AUTS2: variants seen among roughly 807,000 people sequenced by gnomAD.
AUTS2 encodes the protein activator of transcription and developmental regulator AUTS2.
AUTS2 carries 17 observed loss-of-function variants against 112.4 expected under a neutral mutation model. The observed-to-expected ratio is 0.15, with a 90% CI of 0.10 to 0.23. The LOEUF (loss-of-function observed/expected upper bound fraction) is 0.23. Ranked by LOEUF, AUTS2 falls within the 10% of genes least tolerant of loss-of-function variation. The pLI is 1.00. For synonymous variants in AUTS2, 751 were observed against 702.7 expected, an observed-to-expected ratio of 1.07 and a Z score of -1.09; for missense variants, 1,510 against 1,701.6, an observed-to-expected ratio of 0.89 and a Z score of 1.98.
intron 2 of AUTS2, among the ~76,000 whole-genome samples, chr7:69,953,120 T>C (rs993706775): frequency 6.6e-6 from 1 of 152,184 alleles, no homozygotes; most frequent in Admixed American, 6.5e-5. Context: ...ATCTCAATGT[T>C]GTTTGATAAG....
In AUTS2 at chr7:70,468,169, C is replaced by T. The variant is rs117003255; in HGVS notation, c.690+32388C>T. Among the ~76,000 whole-genome samples the T allele has an allele frequency of 8.1e-3, 1,235 of 152,304 alleles. 8 individuals carry two copies. The highest frequency in any genetic ancestry group is 0.014 in the Non-Finnish European group (945 of 68,038). Reference sequence around the variant, plus strand: ...CAAGTGAGGGCGATTTGAGGGAAAACATGTGACCCAGACTAGGAGCATTGT... The same window carrying T: ...CAAGTGAGGGCGATTTGAGGGAAAATATGTGACCCAGACTAGGAGCATTGT... On this transcript the variant is annotated intron_variant, in intron 5 of 18. Transcript: ENST00000342771.
intron 1 of AUTS2, among the ~76,000 whole-genome samples, chr7:69,775,589 G>A (rs771367595): frequency 3.9e-5 from 6 of 152,148 alleles, no homozygotes; most frequent in African/African-American, 1.4e-4. Flanking sequence ...ATAAAGTGTA[G>A]CAGTGTCTGA....
chr7:70,778,775 T>A (rs1308265159), intron 14 of AUTS2, among the ~76,000 whole-genome samples: 1 of 152,224 alleles, frequency 6.6e-6, no homozygotes, highest in African/African-American at 2.4e-5. Flanking sequence ...TTAGAAAATG[T>A]GTGTGCTTTG....
intron 2 of AUTS2, among the ~76,000 whole-genome samples, chr7:70,031,406 A>G (rs554314012): frequency 1.3e-5 from 2 of 152,310 alleles, no homozygotes; most frequent in South Asian, 4.1e-4. Flanking sequence ...TTTCAGCATA[A>G]TAGTGGCAGT....
intron 4 of AUTS2, among the ~76,000 whole-genome samples, chr7:70,350,337 G>A (rs1250799458): frequency 6.6e-6 from 1 of 152,098 alleles, no homozygotes; most frequent in African/African-American, 2.4e-5. Context: ...ATTACTCTGG[G>A]TGTATTATTT....
chr7:70,492,176 G>A (rs1798275848), intron 5 of AUTS2, among the ~76,000 whole-genome samples: 1 of 152,160 alleles, frequency 6.6e-6, no homozygotes, highest in African/African-American at 2.4e-5. Context: ...TTGCTCAGGG[G>A]TGCAGGTGTT....
intron 5 of AUTS2, among the ~76,000 whole-genome samples, chr7:70,579,287 A>T (rs1802328744): frequency 6.8e-6 from 1 of 146,288 alleles, no homozygotes; most frequent in Non-Finnish European, 1.5e-5. Context: ...CATTTTAGAA[A>T]AATCAAGTTA....
chr7:69,984,677 T>C (rs1171842894), intron 2 of AUTS2, among the ~76,000 whole-genome samples: 1 of 152,202 alleles, frequency 6.6e-6, no homozygotes, highest in Non-Finnish European at 1.5e-5. Context: ...GGATAGTCTC[T>C]AGAAATCCTT....
chr7:70,394,445 G>A (rs970918922), intron 4 of AUTS2, among the ~76,000 whole-genome samples: 7 of 152,146 alleles, frequency 4.6e-5, no homozygotes, highest in Admixed American at 4.6e-4. Flanking sequence ...GGCCTGATAC[G>A]GTATCTCTCA....
chr7:70,625,355 T>TA (rs751239022), intron 5 of AUTS2, among the ~76,000 whole-genome samples: 6 of 152,182 alleles, frequency 3.9e-5, no homozygotes, highest in Non-Finnish European at 8.8e-5. Flanking sequence ...TTTCCCGACT[T>TA]ACAGCCGTTG....
chr7:70,161,770 C>A (rs1808086817), intron 4 of AUTS2, among the ~76,000 whole-genome samples: 1 of 151,942 alleles, frequency 6.6e-6, no homozygotes, highest in South Asian at 2.1e-4. Flanking sequence ...TTATTTATAG[C>A]CCAGCTTAAG....
chr7:69,924,078 G>A (rs1335935555), intron 2 of AUTS2, among the ~76,000 whole-genome samples: 6 of 152,084 alleles, frequency 3.9e-5, no homozygotes, highest in South Asian at 2.1e-4. Flanking sequence ...TTAGCTATAC[G>A]TTTTTCATAG....
chr7:70,592,609 C>T (rs1178543373), intron 5 of AUTS2, among the ~76,000 whole-genome samples: 1 of 152,048 alleles, frequency 6.6e-6, no homozygotes, highest in African/African-American at 2.4e-5. Context: ...TGATCCCACC[C>T]GCCCTGTCCT....
chr7:69,781,232 T>C (rs924950790), intron 1 of AUTS2, among the ~76,000 whole-genome samples: 8 of 152,254 alleles, frequency 5.3e-5, no homozygotes, highest in African/African-American at 1.4e-4. Context: ...TCCTTTGTTA[T>C]GATATTTTCT....
At chr7:70,639,364 C>G (rs933501915) in intron 5 of AUTS2, among the ~76,000 whole-genome samples, 2 of 152,006 alleles carry the variant, frequency 1.3e-5, no homozygotes, top group Admixed American at 1.3e-4. Flanking sequence ...CTTTCCCCCT[C>G]TCCTCTAAGA....
chr7:70,278,354 G>A (rs1255806380), intron 4 of AUTS2, among the ~76,000 whole-genome samples: 1 of 152,134 alleles, frequency 6.6e-6, no homozygotes, highest in Non-Finnish European at 1.5e-5. Context: ...TGAGGCAGGA[G>A]GATCGCTTGA....
At chr7:70,706,511 C>A (rs1264720599) in intron 6 of AUTS2, among the ~76,000 whole-genome samples, 1 of 152,142 alleles carries the variant, frequency 6.6e-6, no homozygotes, top group Non-Finnish European at 1.5e-5. Context: ...CTGCCACAGG[C>A]CCATCCCAGA....
At chr7:70,479,948 GTCT>G (rs768294436) in intron 5 of AUTS2, among the ~76,000 whole-genome samples, 1 of 152,158 alleles carries the variant, frequency 6.6e-6, no homozygotes, top group Non-Finnish European at 1.5e-5. Flanking sequence ...ATTTTTTTAG[GTCT>G]TCTTGTGTTC....
rs1353819364 is a variant in AUTS2 at position 70,492,398 on chromosome 7, G to T, written c.690+56617G>T. Among the ~76,000 whole-genome samples, 3 of 152,120 alleles carry T rather than the reference G, an allele frequency of 2.0e-5. No individual in the cohort carries two copies. The East Asian group carries it at 5.8e-4, about 29-fold the overall frequency. ...GGCAGAACAATTGGGGTGAGGATGG[G>T]GAAGAAAAGGGAGAAAGAGATGCCC... On this transcript the variant is annotated intron_variant, in intron 5 of 18. Transcript: ENST00000342771.
Sources: allele counts gnomAD v4.1 joint callset (sites outside exome capture counted in the v4.1 genomes callset), GRCh38; gene constraint gnomAD v4.1.1; transcripts MANE v1.5; gene names NCBI Gene and HGNC (gene_info 2026-07-23, HGNC 2026-07-21).